RPS27L: variants seen among roughly 807,000 people sequenced by gnomAD.
The protein encoded by RPS27L is ribosomal protein eS27-like.
RPS27L carries 10 observed loss-of-function variants against 12.8 expected under a neutral mutation model. The observed-to-expected ratio is 0.78, with a 90% CI of 0.48 to 1.33. RPS27L has a LOEUF of 1.33. Ranked by LOEUF, RPS27L falls within the 40% of genes most tolerant of loss-of-function variation. RPS27L has a pLI of 0.00. For missense variants in RPS27L, 81 were observed against 97.4 expected (o/e 0.83, Z 0.71); for synonymous variants, 26 against 32.3 (o/e 0.81, Z 0.66).
intron 3 of RPS27L, 62 bp from the exon 4 acceptor site, chr15:63,154,122 G>T: frequency 7.4e-7 from 1 of 1,355,628 alleles, no homozygotes; most frequent in South Asian, 1.2e-5. Context: ...TAATTTTAAT[G>T]ACAAAAAGTA....
In RPS27L at chr15:63,155,639, T is replaced by C; in HGVS notation, c.208A>G (p.Lys70Glu). 1 of 1,593,146 alleles carries C rather than the reference T, an allele frequency of 6.3e-7. No individual in the cohort carries two copies. Among genetic ancestry groups the C allele is most frequent in the Non-Finnish European group, 8.6e-7 (1 of 1,168,974 alleles). The change falls in exon 3 of 4, where the codon AAG (lysine) becomes GAG (glutamate). Residue 70 changes from lysine (K) to glutamate (E), a missense_variant. By Grantham distance (56) the Lys-to-Glu change is moderately conservative. Coordinates refer to ENST00000330964, the MANE Select transcript of RPS27L (RefSeq NM_015920.4). ...GATATACCTTCTGTGAGTCTGGCCT[T>C]TCCTCCTGTAGGCTGGCACAACACT... is the stretch of plus-strand genomic sequence containing the variant. ...STVLCQPTGG[K>E]ARLTEGCSFR...
chr15:63,152,469 T>C lies in RPS27L; in HGVS notation c.*1563A>G, dbSNP rs1227425621. On this transcript the variant is annotated 3_prime_UTR_variant, in exon 4 of 4. Transcript: ENST00000330964. The stretch of plus-strand genomic sequence containing the variant: ...TCTGAGAATCTCTGGGTCATCTACA[T>C]ATATATGTATATATATATATTTTTT... 7.1e-6 allele frequency: 1 copy of C among 141,460 alleles called. No homozygotes were observed. Among genetic ancestry groups the C allele is most frequent in the East Asian group, 2.6e-4 (1 of 3,858 alleles). The allele number at this position is 141,460 out of a possible 1,614,324, so 8.8% of individuals were successfully genotyped here. A position where few individuals can be genotyped will look rare whatever the true frequency, so the allele number is the denominator to read the frequency against.
In RPS27L at chr15:63,157,452, C is replaced by T; in HGVS notation, c.-47G>A. On this transcript the variant is annotated 5_prime_UTR_variant, in exon 1 of 4. In the 5' UTR this introduces an upstream ATG that the reference lacks. Coordinates refer to ENST00000330964, the MANE Select transcript of RPS27L (RefSeq NM_015920.4). Reference sequence around the variant, plus strand: ...GCCCTACCAGACCTCCCAGCCCACACAGCTAGCAAGCTGCAAGCGATCTGC... The same window carrying T: ...GCCCTACCAGACCTCCCAGCCCACATAGCTAGCAAGCTGCAAGCGATCTGC... The T allele has an allele frequency of 2.5e-6, 4 of 1,612,476 alleles. No individual in the cohort carries two copies. The highest frequency in any genetic ancestry group is 3.4e-6 in the Non-Finnish European group (4 of 1,178,510).
intron 1 of RPS27L, 121 bp downstream of exon 1, chr15:63,157,279 C>T: frequency 8.8e-7 from 1 of 1,139,094 alleles, no homozygotes; most frequent in Non-Finnish European, 1.3e-6. Context: ...CGCTGCGCAA[C>T]CTGAGCCGCC....
chr15:63,155,641 C>T lies in RPS27L; in HGVS notation c.206G>A (p.Gly69Glu). 1.3e-6 allele frequency: 2 copies of T among 1,592,946 alleles called. No homozygotes were observed. The highest frequency in any genetic ancestry group is 1.7e-6 in the Non-Finnish European group (2 of 1,169,032). Residue 69 changes from glycine to glutamate, a missense_variant, in exon 3 of 4, where the codon GGA becomes GAA. Transcript: ENST00000330964. ...TATACCTTCTGTGAGTCTGGCCTTT[C>T]CTCCTGTAGGCTGGCACAACACTGT... Reference protein sequence around the residue: ...CSTVLCQPTGGKARLTEGCSF... With the variant: ...CSTVLCQPTGEKARLTEGCSF...
rs764295669 is a variant in RPS27L, at chr15:63,157,386, T to A, written c.6+14A>T. ...AGCCCAAAACAAACCCGGAGCCCGA[T>A]GTAAACAACTCACAGGCATGTTGAT... On this transcript the variant is annotated intron_variant, in intron 1 of 3. Coordinates refer to ENST00000330964, the MANE Select transcript of RPS27L (RefSeq NM_015920.4). The A allele has an allele frequency of 1.2e-6, 2 of 1,613,974 alleles. No homozygotes were observed. The highest frequency in any genetic ancestry group is 8.5e-7 in the Non-Finnish European group (1 of 1,179,910).
Position 63,153,722 on chromosome 15 carries a change from CTCT to C in RPS27L, c.*307_*309del, listed in dbSNP as rs1419789182. 6.2e-5 allele frequency: 14 copies of C among 225,698 alleles called. No individual in the cohort carries two copies. The highest frequency in any genetic ancestry group is 2.4e-5 in the Non-Finnish European group (3 of 126,000). The allele number at this position is 225,698 out of a possible 1,614,324, so 14.0% of individuals were successfully genotyped here. A position where few individuals can be genotyped will look rare whatever the true frequency, so the allele number is the denominator to read the frequency against. Reference sequence around the variant, plus strand: ...CTTGAGTGACAGAGCAGGACTCTCTCTCTCAAAAAAAAAAAAAAAGACACAAAC... The same window carrying C: ...CTTGAGTGACAGAGCAGGACTCTCTCCAAAAAAAAAAAAAAAGACACAAAC... On this transcript the variant is annotated 3_prime_UTR_variant, in exon 4 of 4. Transcript: ENST00000330964.
At chr15:63,155,873 C>T (rs1443029109) in intron 2 of RPS27L, 142 bp from the exon 3 acceptor site, 2 of 441,542 alleles carry the variant, frequency 4.5e-6, no homozygotes, top group Non-Finnish European at 7.9e-6. Context: ...ACTTTTCTAG[C>T]AGCGACACAA....
intron 1 of RPS27L, chr15:63,157,045 T>C: frequency 2.7e-6 from 1 of 377,086 alleles, no homozygotes; most frequent in South Asian, 3.4e-5. Flanking sequence ...GGAAATCGCT[T>C]CCGAAAGAAG....
At chr15:63,157,190 A>C in intron 1 of RPS27L, 1 of 620,396 alleles carries the variant, frequency 1.6e-6, no homozygotes, top group Non-Finnish European at 2.9e-6. Flanking sequence ...ACCGCCTCTG[A>C]ATTGCAGCCC....
rs1297270396 is a variant in RPS27L, at chr15:63,149,566, C to CAAAAAAAAAAA, written c.*4455_*4465dup. 1 of 33,262 alleles carries CAAAAAAAAAAA rather than the reference C, an allele frequency of 3.0e-5. No homozygotes were observed. The highest frequency in any genetic ancestry group is 6.4e-5 in the African/African-American group (1 of 15,620). The allele number at this position is 33,262 out of a possible 1,614,324, so 2.1% of individuals were successfully genotyped here. On this transcript the variant is annotated 3_prime_UTR_variant, in exon 4 of 4. Coordinates refer to ENST00000330964, the MANE Select transcript of RPS27L (RefSeq NM_015920.4). ...TGGGCGACGGAGCAAGACTCCGTCTCAAAAAAAAAAAAAAAAAAGAAAGAA... is the reference window on the plus strand; with the variant it reads ...TGGGCGACGGAGCAAGACTCCGTCTCAAAAAAAAAAAAAAAAAAAAAAAAAAAAAGAAAGAA...
At position 63,153,757 on chromosome 15, in the gene RPS27L, G is replaced by T; in HGVS notation, c.*275C>A. The T allele has an allele frequency of 5.9e-6, 2 of 336,234 alleles. No homozygotes were observed. The highest frequency in any genetic ancestry group is 1.0e-5 in the Non-Finnish European group (2 of 192,218). The allele number at this position is 336,234 out of a possible 1,614,324, so 20.8% of individuals were successfully genotyped here. On this transcript the variant is annotated 3_prime_UTR_variant, in exon 4 of 4. Transcript: ENST00000330964. ...AAAAAAAAAAGACACAAACTAATCA[G>T]AATAAATTTTAAAATGTTTAAACCA...
Position 63,155,733 on chromosome 15 carries a change from T to TTA in RPS27L, c.116-3_116-2insTA. ...AAACCGTGGTGATCTTGTAGCAACCTAAAAAAAAAAAAAGGCAATGTTAAA... is the reference window on the plus strand; with the variant it reads ...AAACCGTGGTGATCTTGTAGCAACCTTAAAAAAAAAAAAAAGGCAATGTTAAA... On this transcript the variant is annotated splice_polypyrimidine_tract_variant and splice_region_variant and intron_variant, in intron 2 of 3. Transcript: ENST00000330964. The TTA allele has an allele frequency of 8.2e-7, 1 of 1,212,638 alleles. No homozygotes were observed. The highest frequency in any genetic ancestry group is 2.9e-5 in the East Asian group (1 of 34,774). 75.1% of individuals were successfully genotyped at this position (1,212,638 alleles called of 1,614,324 possible). A position where few individuals can be genotyped will look rare whatever the true frequency, so the allele number is the denominator to read the frequency against.
rs1171944135 is a variant in RPS27L at position 63,153,945 on chromosome 15, T to G, written c.*87A>C. On this transcript the variant is annotated 3_prime_UTR_variant, in exon 4 of 4. Transcript: ENST00000330964. ...CAAAACCAAATGTAATTACATTATC[T>G]TGGTAAATTAATTAGAATTATGGAA... is the stretch of plus-strand genomic sequence containing the variant. 1.6e-5 allele frequency: 18 copies of G among 1,127,110 alleles called. No homozygotes were observed. The highest frequency in any genetic ancestry group is 2.3e-5 in the Non-Finnish European group (17 of 746,264). The allele number at this position is 1,127,110 out of a possible 1,614,324, so 69.8% of individuals were successfully genotyped here.
At position 63,156,527 on chromosome 15, in the gene RPS27L, C is replaced by T; in HGVS notation, c.7-6G>A. The T allele has an allele frequency of 1.3e-6, 2 of 1,525,484 alleles. No homozygotes were observed. The allele number at this position is 1,525,484 out of a possible 1,614,324, so 94.5% of individuals were successfully genotyped here. A position where few individuals can be genotyped will look rare whatever the true frequency, so the allele number is the denominator to read the frequency against. On this transcript the variant is annotated splice_region_variant and splice_polypyrimidine_tract_variant and intron_variant, in intron 1 of 3. Transcript: ENST00000330964. ...TGTAGTAAATCTCTAGCCAACTGAACAAAGAAGCATATTATTACTATTAGT... is the reference window on the plus strand; with the variant it reads ...TGTAGTAAATCTCTAGCCAACTGAATAAAGAAGCATATTATTACTATTAGT...
chr15:63,151,551 A>G lies in RPS27L; in HGVS notation c.*2481T>C, dbSNP rs2037299385. On this transcript the variant is annotated 3_prime_UTR_variant, in exon 4 of 4. Coordinates refer to ENST00000330964, the MANE Select transcript of RPS27L (RefSeq NM_015920.4). ...GCCCAGCCCTTAGATGTGGTCTTTAAAGTATAATCCTTTTTTAAAAAATAC... is the reference window on the plus strand; with the variant it reads ...GCCCAGCCCTTAGATGTGGTCTTTAGAGTATAATCCTTTTTTAAAAAATAC... 1 of 152,126 alleles carries G rather than the reference A, an allele frequency of 6.6e-6. No homozygotes were observed. The highest frequency in any genetic ancestry group is 1.5e-5 in the Non-Finnish European group (1 of 68,030). 9.4% of individuals were successfully genotyped at this position (152,126 alleles called of 1,614,324 possible).
rs2037317378 is a variant in RPS27L at position 63,154,072 on chromosome 15, T to A, written c.227-12A>T. 3 of 1,603,010 alleles carry A rather than the reference T, an allele frequency of 1.9e-6. No individual in the cohort carries two copies. The South Asian group carries it at 3.3e-5, about 18-fold the overall frequency. On this transcript the variant is annotated splice_polypyrimidine_tract_variant and intron_variant, in intron 3 of 3. Coordinates refer to ENST00000330964, the MANE Select transcript of RPS27L (RefSeq NM_015920.4). ...TCTAAATGAACACCCTGCAAAAGAA[T>A]CATGAGAGTATATTAAACAAGTGCA... is the stretch of plus-strand genomic sequence containing the variant.
intron 2 of RPS27L, 77 bp downstream of exon 2, chr15:63,156,336 A>G (rs371500109): frequency 1.5e-5 from 11 of 728,368 alleles, no homozygotes; most frequent in African/African-American, 1.1e-4. Flanking sequence ...GTTCTAATGT[A>G]TCTTAACTAT....
chr15:63,154,070 A>C lies in RPS27L; in HGVS notation c.227-10T>G. ...CTTCTAAATGAACACCCTGCAAAAGAATCATGAGAGTATATTAAACAAGTG... is the reference window on the plus strand; with the variant it reads ...CTTCTAAATGAACACCCTGCAAAAGCATCATGAGAGTATATTAAACAAGTG... On this transcript the variant is annotated splice_polypyrimidine_tract_variant and intron_variant, in intron 3 of 3. Coordinates refer to ENST00000330964, the MANE Select transcript of RPS27L (RefSeq NM_015920.4). The C allele has an allele frequency of 1.2e-6, 2 of 1,604,156 alleles. No homozygotes were observed. Among genetic ancestry groups the C allele is most frequent in the South Asian group, 2.2e-5 (2 of 90,482 alleles).
Sources: allele counts gnomAD v4.1 joint callset, GRCh38; gene constraint gnomAD v4.1.1; transcripts MANE v1.5; gene names NCBI Gene and HGNC (gene_info 2026-07-23, HGNC 2026-07-21).